The following CMTM4 variants were observed in gnomAD, a reference collection of about 807,000 sequenced individuals.
CMTM4 encodes the protein CKLF-like MARVEL transmembrane domain-containing protein 4.
Under a neutral mutation model 19.0 loss-of-function variants are expected in CMTM4, and 8 were observed. The ratio of observed to expected loss-of-function variants is 0.42; its 90% CI spans 0.25 to 0.76. The LOEUF is 0.76. Ranked by LOEUF, CMTM4 falls within the 30% of genes least tolerant of loss-of-function variation. The pLI is 0.27. For synonymous variants in CMTM4, 106 were observed against 121.1 expected (o/e 0.88, Z 0.82); for missense variants, 228 against 290.2 (o/e 0.79, Z 1.56).
At chr16:66,626,215 AC>A (rs2015735427) in intron 2 of CMTM4, among the ~76,000 whole-genome samples, 1 of 152,078 alleles carries the variant, frequency 6.6e-6, no homozygotes, top group Non-Finnish European at 1.5e-5. Flanking sequence ...TGGGCGGATC[AC>A]CTGAGGTCAG....
rs147984338 is a variant in CMTM4, at chr16:66,667,057, G to A, written c.186+29283C>T. Among the ~76,000 whole-genome samples, 874 of 152,376 alleles carry A rather than the reference G, an allele frequency of 5.7e-3. 17 individuals carry two copies. The highest frequency in any genetic ancestry group is 0.02 in the African/African-American group (849 of 41,584). ...ATAAAAGTTGGGGCCGGGCACAGCG[G>A]CTTACGCCTGTAATCCTAACACTTT... is the stretch of plus-strand genomic sequence containing the variant. On this transcript the variant is annotated intron_variant, in intron 1 of 3. Transcript: ENST00000394106.
chr16:66,623,647 G>T, intron 2 of CMTM4, 145 bp from the exon 3 acceptor site: 1 of 553,842 alleles, frequency 1.8e-6, no homozygotes, highest in Non-Finnish European at 3.2e-6. Context: ...CAGGGTTACT[G>T]GTCACACAAA....
chr16:66,683,021 C>T (rs1462982988), intron 1 of CMTM4, among the ~76,000 whole-genome samples: 1 of 150,886 alleles, frequency 6.6e-6, no homozygotes, highest in Admixed American at 6.6e-5. Context: ...AGATAGTCTA[C>T]TTAAAGTTAA....
At chr16:66,672,272 G>T (rs2016721868) in intron 1 of CMTM4, among the ~76,000 whole-genome samples, 1 of 151,450 alleles carries the variant, frequency 6.6e-6, no homozygotes, top group Admixed American at 6.6e-5. Context: ...GGGTGTGGCA[G>T]TGTGCGCCTG....
At chr16:66,687,709 ACGGAGT>A (rs1343098471) in intron 1 of CMTM4, among the ~76,000 whole-genome samples, 1 of 127,778 alleles carries the variant, frequency 7.8e-6, no homozygotes, top group Non-Finnish European at 1.6e-5. Context: ...TTTTTTTGAG[ACGGAGT>A]CTCGCTCTGT....
the CMTM4 span, among the ~76,000 whole-genome samples, chr16:66,601,107 CTGTGTGTGTG>C: frequency 3.5e-5 from 5 of 143,032 alleles, no homozygotes; most frequent in East Asian, 2.1e-4. Context: ...GTGTGTGTGT[CTGTGTGTGTG>C]TGTGTGTGTG....
At chr16:66,600,136 G>GTGGTTTTTTTT in the CMTM4 span, among the ~76,000 whole-genome samples, 3 of 135,166 alleles carry the variant, frequency 2.2e-5, 1 homozygote, top group Admixed American at 1.6e-4. Flanking sequence ...GTGTGTGTGT[G>GTGGTTTTTTTT]TTTTTTTTTG....
At chr16:66,627,630 G>A (rs2015768523) in intron 2 of CMTM4, among the ~76,000 whole-genome samples, 1 of 152,074 alleles carries the variant, frequency 6.6e-6, no homozygotes, top group Non-Finnish European at 1.5e-5. Context: ...TGCCTATTCT[G>A]GACATTTTTT....
At chr16:66,655,125 AG>A (rs1393986073) in intron 1 of CMTM4, among the ~76,000 whole-genome samples, 1 of 152,076 alleles carries the variant, frequency 6.6e-6, no homozygotes, top group Non-Finnish European at 1.5e-5. Flanking sequence ...CTGGTACCAC[AG>A]GCACACACCA....
the CMTM4 span, among the ~76,000 whole-genome samples, chr16:66,607,052 A>G: frequency 2.6e-5 from 4 of 152,182 alleles, no homozygotes; most frequent in Non-Finnish European, 4.4e-5. Flanking sequence ...TTCAAATTCT[A>G]GTAGCCTCTG....
chr16:66,620,610 C>T lies in CMTM4; in HGVS notation c.*1448G>A. On this transcript the variant is annotated 3_prime_UTR_variant, in exon 4 of 4. Transcript: ENST00000394106. The stretch of plus-strand genomic sequence containing the variant: ...CGCCCCCTCGGAGTTATTTATTACA[C>T]AGTACGCTGCTAAAGCTGTCAACAT... 1.0e-6 allele frequency: 1 copy of T among 985,622 alleles called. No individual in the cohort carries two copies. The highest frequency in any genetic ancestry group is 1.2e-6 in the Non-Finnish European group (1 of 829,938). The allele number at this position is 985,622 out of a possible 1,614,324, so 61.1% of individuals were successfully genotyped here.
chr16:66,609,502 A>C, the CMTM4 span: 1 of 1,608,374 alleles, frequency 6.2e-7, no homozygotes, highest in East Asian at 2.2e-5. This position sits in a 1 kb window ranked among gnomAD's most constrained non-coding sequence, Gnocchi z 4.4. Flanking sequence ...ATCGCCAAGT[A>C]CTCGGATGGG....
the CMTM4 span, chr16:66,605,055 C>T: frequency 3.8e-6 from 4 of 1,053,856 alleles, no homozygotes; most frequent in Middle Eastern, 3.3e-4. The surrounding 1 kb of genome is among the most constrained non-coding windows in gnomAD (Gnocchi z 4.6). Context: ...CGCCGTGCTC[C>T]GATACCCCCT....
intron 2 of CMTM4, among the ~76,000 whole-genome samples, chr16:66,634,019 G>A (rs575914115): frequency 3.6e-4 from 55 of 152,270 alleles, no homozygotes; most frequent in African/African-American, 1.2e-3. Flanking sequence ...GGAAAAGAAC[G>A]AGTATCAACT....
At chr16:66,609,399 C>T in the CMTM4 span, 5 of 1,586,480 alleles carry the variant, frequency 3.2e-6, no homozygotes, top group Non-Finnish European at 4.3e-6. The surrounding 1 kb of genome is among the most constrained non-coding windows in gnomAD (Gnocchi z 4.4). Flanking sequence ...GTGCTCAGCT[C>T]CAGGGGCTCA....
At chr16:66,625,588 A>C (rs1210814754) in intron 2 of CMTM4, among the ~76,000 whole-genome samples, 1 of 152,208 alleles carries the variant, frequency 6.6e-6, no homozygotes, top group African/African-American at 2.4e-5. Flanking sequence ...CAGGGAAAAA[A>C]TATGTCAAAA....
At chr16:66,641,702 C>T (rs997812736) in intron 1 of CMTM4, among the ~76,000 whole-genome samples, 1 of 152,166 alleles carries the variant, frequency 6.6e-6, no homozygotes, top group Non-Finnish European at 1.5e-5. Flanking sequence ...TAAAATTATA[C>T]CTGCCTCCTT....
intron 1 of CMTM4, among the ~76,000 whole-genome samples, chr16:66,676,807 T>C (rs2016817844): frequency 6.6e-6 from 1 of 152,218 alleles, no homozygotes; most frequent in African/African-American, 2.4e-5. Context: ...AAACTGGGCC[T>C]CTGCCATGCA....
At chr16:66,640,685 C>A (rs1567412140) in intron 1 of CMTM4, among the ~76,000 whole-genome samples, 1 of 152,200 alleles carries the variant, frequency 6.6e-6, no homozygotes, top group African/African-American at 2.4e-5. Flanking sequence ...ATGAATAGGG[C>A]TGACCTATTA....
Sources: gnomAD v4.1 joint callset for allele counts (sites outside exome capture counted in the v4.1 genomes callset) on GRCh38, gnomAD v4.1.1 for gene constraint, Gnocchi (gnomAD v3.1) non-coding constraint, MANE v1.5 for transcripts, NCBI Gene and HGNC (gene_info 2026-07-23, HGNC 2026-07-21) for gene names.